Variants in LIPA observed in about 807,000 individuals in gnomAD.
LIPA encodes lysosomal acid lipase/cholesteryl ester hydrolase.
In LIPA, 26 loss-of-function variants were observed where a neutral mutation model predicts 40.6. That is an observed-to-expected ratio of 0.64 (90% confidence interval 0.47 to 0.89). The LOEUF is 0.89. Among genes scored for constraint, LIPA ranks in the 40% least tolerant of loss-of-function variants. The pLI, the probability that LIPA is intolerant of heterozygous loss-of-function variation, is 0.00. For synonymous variants in LIPA, 188 were observed against 168.4 expected (o/e 1.12, Z -0.90); for missense variants, 455 against 479.6 (o/e 0.95, Z 0.48).
At chr10:89,242,518 T>C (rs1049672105) in intron 3 of LIPA, among the ~76,000 whole-genome samples, 3 of 152,104 alleles carry the variant, frequency 2.0e-5, no homozygotes, top group African/African-American at 4.8e-5. Flanking sequence ...TAAGCAAACA[T>C]GAGCAGAGAA....
chr10:89,362,549 G>T, intron 2 of LIPA: 1 of 299,408 alleles, frequency 3.3e-6, no homozygotes, highest in South Asian at 7.3e-5. Flanking sequence ...AGACATGAGT[G>T]ACCAGTATCA....
intron 2 of LIPA, among the ~76,000 whole-genome samples, chr10:89,370,130 T>G (rs939956418): frequency 6.6e-6 from 1 of 152,218 alleles, no homozygotes; most frequent in Non-Finnish European, 1.5e-5. Context: ...AATCTAAAAC[T>G]CAGTTCTTCA....
At chr10:89,282,436 G>A (rs1462253697) in intron 1 of LIPA, among the ~76,000 whole-genome samples, 1 of 152,014 alleles carries the variant, frequency 6.6e-6, no homozygotes, top group African/African-American at 2.4e-5. Context: ...TTGAGAGTTT[G>A]AGACCAGCCT....
intron 1 of LIPA, among the ~76,000 whole-genome samples, chr10:89,257,374 G>A (rs1589580635): frequency 6.6e-6 from 1 of 152,182 alleles, no homozygotes; most frequent in Non-Finnish European, 1.5e-5. Flanking sequence ...GTGTGTGTGT[G>A]TGTGCATATA....
At chr10:89,354,939 GAC>G in intron 2 of LIPA, among the ~76,000 whole-genome samples, 1 of 152,300 alleles carries the variant, frequency 6.6e-6, no homozygotes, top group South Asian at 2.1e-4. Flanking sequence ...CAAAATCATA[GAC>G]AGTTGAAGCT....
intron 1 of LIPA, among the ~76,000 whole-genome samples, chr10:89,281,655 C>T (rs921481433): frequency 7.9e-5 from 12 of 152,198 alleles, no homozygotes; most frequent in African/African-American, 2.9e-4. Flanking sequence ...ATTCCAGAAA[C>T]CAAACAAACA....
intron 1 of LIPA, among the ~76,000 whole-genome samples, chr10:89,269,628 T>A (rs918659674): frequency 6.6e-6 from 1 of 152,240 alleles, no homozygotes; most frequent in Admixed American, 6.5e-5. Context: ...CTGGAGTTTC[T>A]GAAGCTTATA....
chr10:89,227,065 C>T, intron 4 of LIPA, 61 bp from the exon 5 acceptor site: 1 of 1,020,472 alleles, frequency 9.8e-7, no homozygotes, highest in Non-Finnish European at 1.6e-6. Context: ...CACACACATA[C>T]TGAGTATGCA....
chr10:89,260,041 T>C (rs1259518100), intron 1 of LIPA, among the ~76,000 whole-genome samples: 1 of 152,228 alleles, frequency 6.6e-6, no homozygotes, highest in Non-Finnish European at 1.5e-5. Flanking sequence ...AGTTTAATCT[T>C]CATCTGTCAT....
intron 1 of LIPA, among the ~76,000 whole-genome samples, chr10:89,320,493 C>T (rs370242439): frequency 2.2e-4 from 33 of 151,912 alleles, no homozygotes; most frequent in African/African-American, 7.7e-4. Context: ...ATAAAATACC[C>T]AGGAATCCAA....
chr10:89,392,474 C>CCA (rs1281928830), intron 2 of LIPA: 2 of 229,420 alleles, frequency 8.7e-6, no homozygotes, highest in African/African-American at 2.5e-5. Flanking sequence ...ATTCCCCACC[C>CCA]CCCCCCGTCA....
chr10:89,403,731 C>T, intron 2 of LIPA: 1 of 1,324,446 alleles, frequency 7.6e-7, no homozygotes, highest in South Asian at 1.3e-5. Flanking sequence ...ATATCAGCCA[C>T]TTTCACATTT....
At chr10:89,330,206 C>T (rs747967173) in intron 1 of LIPA, among the ~76,000 whole-genome samples, 10 of 152,164 alleles carry the variant, frequency 6.6e-5, no homozygotes, top group Non-Finnish European at 1.2e-4. Context: ...ACACGTTTTA[C>T]GCATGACCTC....
intron 1 of LIPA, among the ~76,000 whole-genome samples, chr10:89,316,089 C>T (rs1843540049): frequency 6.6e-6 from 1 of 152,076 alleles, no homozygotes; most frequent in Non-Finnish European, 1.5e-5. Context: ...ATTAAAAATG[C>T]AGTTTCAGAG....
chr10:89,397,776 CA>C (rs943541750), intron 2 of LIPA, among the ~76,000 whole-genome samples: 6 of 152,128 alleles, frequency 3.9e-5, no homozygotes, highest in African/African-American at 1.4e-4. Flanking sequence ...TACCAATTTA[CA>C]AAAACACTTT....
intron 1 of LIPA, among the ~76,000 whole-genome samples, chr10:89,249,425 G>C (rs1843082091): frequency 6.6e-6 from 1 of 152,182 alleles, no homozygotes; most frequent in African/African-American, 2.4e-5. Context: ...AAAGATGCAG[G>C]CATGTATGCC....
chr10:89,329,179 A>G (rs1843626455), intron 1 of LIPA, among the ~76,000 whole-genome samples: 1 of 152,176 alleles, frequency 6.6e-6, no homozygotes, highest in Non-Finnish European at 1.5e-5. Flanking sequence ...AGGGGGGCAG[A>G]AAAGGAAAAC....
intron 1 of LIPA, among the ~76,000 whole-genome samples, chr10:89,299,458 C>T (rs904625938): frequency 6.6e-6 from 1 of 152,110 alleles, no homozygotes; most frequent in Non-Finnish European, 1.5e-5. Context: ...ATGAGAACTT[C>T]CCAAGTCTAG....
At chr10:89,246,717 T>C (rs1843029154) in intron 2 of LIPA, among the ~76,000 whole-genome samples, 2 of 152,326 alleles carry the variant, frequency 1.3e-5, no homozygotes, top group South Asian at 4.1e-4. Flanking sequence ...CCAGATTTTA[T>C]TGTTTACTTA....
Sources: allele counts gnomAD v4.1 joint callset (sites outside exome capture counted in the v4.1 genomes callset), GRCh38; gene constraint gnomAD v4.1.1; transcripts MANE v1.5; gene names NCBI Gene and HGNC (gene_info 2026-07-23, HGNC 2026-07-21).